The following SPATA33 variants were observed in gnomAD, a reference collection of about 807,000 sequenced individuals.
SPATA33 encodes the protein spermatogenesis-associated protein 33.
Under a neutral mutation model 8.9 loss-of-function variants are expected in SPATA33, and 10 were observed. The ratio of observed to expected loss-of-function variants is 1.12; its 90% CI spans 0.69 to 1.90. SPATA33 has a LOEUF of 1.90. Among genes scored for constraint, SPATA33 ranks in the 40% most tolerant of loss-of-function variants. The pLI, the probability that SPATA33 is intolerant of heterozygous loss-of-function variation, is 0.00. For missense variants in SPATA33, 241 were observed against 178.3 expected (o/e 1.35, Z -2.00); for synonymous variants, 96 against 72.8 (o/e 1.32, Z -1.63).
At chr16:89,660,690 T>C in intron 2 of SPATA33, 1 of 787,078 alleles carries the variant, frequency 1.3e-6, no homozygotes, top group Non-Finnish European at 1.7e-6. Flanking sequence ...AAAAGGCACA[T>C]TTACAGAGAG....
intron 2 of SPATA33, chr16:89,660,940 A>C (rs957974536): frequency 3.9e-6 from 4 of 1,017,560 alleles, no homozygotes; most frequent in Non-Finnish European, 4.7e-6. Context: ...CATGCACCTC[A>C]GGGGGAGCCA....
intron 2 of SPATA33, among the ~76,000 whole-genome samples, chr16:89,667,392 T>C (rs1017334143): frequency 6.6e-6 from 1 of 152,216 alleles, no homozygotes; most frequent in Non-Finnish European, 1.5e-5. Flanking sequence ...TACAAATTAA[T>C]TAATGATATT....
rs1278285342 is a variant in SPATA33 at position 89,669,860 on chromosome 16, G to T, written c.*363G>T. 7.4e-6 allele frequency: 2 copies of T among 271,236 alleles called. No homozygotes were observed. Among genetic ancestry groups the T allele is most frequent in the East Asian group, 1.7e-4 (2 of 11,790 alleles). The allele number at this position is 271,236 out of a possible 1,614,324, so 16.8% of individuals were successfully genotyped here. A position where few individuals can be genotyped will look rare whatever the true frequency, so the allele number is the denominator to read the frequency against. ...CCCTTCTCCAATGCTCTCGGGGAGGGTACACCAGGGTTGCCCCACCCTGTG... is the reference window on the plus strand; with the variant it reads ...CCCTTCTCCAATGCTCTCGGGGAGGTTACACCAGGGTTGCCCCACCCTGTG... On this transcript the variant is annotated 3_prime_UTR_variant, in exon 3 of 3. Transcript: ENST00000579310.
At chr16:89,658,077 G>A in intron 1 of SPATA33, 129 bp downstream of exon 1, 2 of 1,472,606 alleles carry the variant, frequency 1.4e-6, no homozygotes, top group Non-Finnish European at 1.8e-6. Flanking sequence ...CGTTCCTGCC[G>A]CCGAGTCCGC....
rs1269554884 is a variant in SPATA33 at position 89,657,948 on chromosome 16, G to C, written c.37G>C (p.Gly13Arg). ...CAAAAGCAAAGAGAAACCCAGGAAA[G>C]GTAAAGGAGGCGCAGGCGCTGGGCT... ...LSKSKEKPRK[G>R]EEQKKGSTYS... The change falls in exon 1 of 3, where the codon GGT becomes CGT. Residue 13 changes from glycine (G) to arginine (R), a missense_variant and splice_region_variant. By Grantham distance (125) the Gly-to-Arg change is moderately radical. Coordinates refer to ENST00000579310, the MANE Select transcript of SPATA33 (RefSeq NM_001271907.2). 4.0e-6 allele frequency: 6 copies of C among 1,515,382 alleles called. No homozygotes were observed. The South Asian group carries it at 7.3e-5, about 19-fold the overall frequency. The allele number at this position is 1,515,382 out of a possible 1,614,324, so 93.9% of individuals were successfully genotyped here. A position where few individuals can be genotyped will look rare whatever the true frequency, so the allele number is the denominator to read the frequency against.
intron 2 of SPATA33, chr16:89,660,184 T>G: frequency 4.4e-6 from 1 of 225,836 alleles, no homozygotes. Flanking sequence ...CAGCCCCCGA[T>G]GAGTGTACAG....
rs546618376 is a variant in SPATA33 at position 89,669,574 on chromosome 16, C to A, written c.*77C>A. The A allele has an allele frequency of 1.0e-5, 15 of 1,456,654 alleles. No individual in the cohort carries two copies. The highest frequency in any genetic ancestry group is 2.8e-5 in the African/African-American group (2 of 71,000). The allele number at this position is 1,456,654 out of a possible 1,614,324, so 90.2% of individuals were successfully genotyped here. On this transcript the variant is annotated 3_prime_UTR_variant, in exon 3 of 3. Coordinates refer to ENST00000579310, the MANE Select transcript of SPATA33 (RefSeq NM_001271907.2). ...ACAGCCGCCTCACCCTGTGAGAAGCCGAGGCCCCTTCTCCAGTGCTCTCGG... is the reference window on the plus strand; with the variant it reads ...ACAGCCGCCTCACCCTGTGAGAAGCAGAGGCCCCTTCTCCAGTGCTCTCGG...
At chr16:89,661,107 T>C (rs996672919) in intron 2 of SPATA33, 1 of 985,368 alleles carries the variant, frequency 1.0e-6, no homozygotes, top group African/African-American at 1.7e-5. Flanking sequence ...CTGCTGAGGT[T>C]TGGGGTAAGT....
chr16:89,660,345 G>C (rs779891991), intron 2 of SPATA33: 1 of 594,880 alleles, frequency 1.7e-6, no homozygotes, highest in African/African-American at 1.9e-5. Context: ...GGAGGGAGCT[G>C]TGAAGCATGG....
At chr16:89,660,874 C>G (rs1488467528) in intron 2 of SPATA33, 2 of 1,106,886 alleles carry the variant, frequency 1.8e-6, no homozygotes, top group Non-Finnish European at 2.2e-6. Context: ...TGTGAGCAAA[C>G]AAGCCTTTAG....
intron 2 of SPATA33, chr16:89,661,405 CATGT>C (rs1179134821): frequency 2.3e-5 from 4 of 175,946 alleles, no homozygotes; most frequent in African/African-American, 4.8e-5. Flanking sequence ...TGCTGCCATC[CATGT>C]AAGATGTGAC....
intron 2 of SPATA33, chr16:89,659,926 A>G (rs2059943170): frequency 6.6e-6 from 1 of 151,866 alleles, no homozygotes; most frequent in East Asian, 1.9e-4. Context: ...GGAGGGCGCA[A>G]CCCCCCACCG....
rs2059959172 is a variant in SPATA33 at position 89,660,994 on chromosome 16, AG to A, written c.211+2574del. 4 of 995,210 alleles carry A rather than the reference AG, an allele frequency of 4.0e-6. No individual in the cohort carries two copies. In the South Asian group the frequency reaches 1.9e-4, roughly 47 times the overall value. 61.6% of individuals were successfully genotyped at this position (995,210 alleles called of 1,614,324 possible). ...AAGAGCTTCCCTGTACGTCTCAGTG[AG>A]TCTTCACATGCCTCCAACTGCCTGG... On this transcript the variant is annotated intron_variant, in intron 2 of 2. Coordinates refer to ENST00000579310, the MANE Select transcript of SPATA33 (RefSeq NM_001271907.2).
At position 89,669,728 on chromosome 16, in the gene SPATA33, G is replaced by A; in HGVS notation, c.*231G>A. 1 of 568,688 alleles carries A rather than the reference G, an allele frequency of 1.8e-6. No individual in the cohort carries two copies. Among genetic ancestry groups the A allele is most frequent in the East Asian group, 3.0e-5 (1 of 33,848 alleles). The allele number at this position is 568,688 out of a possible 1,614,324, so 35.2% of individuals were successfully genotyped here. A position where few individuals can be genotyped will look rare whatever the true frequency, so the allele number is the denominator to read the frequency against. Reference sequence around the variant, plus strand: ...TGGCCCCCTTCTCCAGTGCTCTCAGGGAGGGTGCACCAGGCCTGCCCCCGC... The same window carrying A: ...TGGCCCCCTTCTCCAGTGCTCTCAGAGAGGGTGCACCAGGCCTGCCCCCGC... On this transcript the variant is annotated 3_prime_UTR_variant, in exon 3 of 3. Coordinates refer to ENST00000579310, the MANE Select transcript of SPATA33 (RefSeq NM_001271907.2).
chr16:89,666,468 G>C (rs1406315080), intron 2 of SPATA33, among the ~76,000 whole-genome samples: 1 of 152,162 alleles, frequency 6.6e-6, no homozygotes, highest in Non-Finnish European at 1.5e-5. Flanking sequence ...TTCGAGACCA[G>C]CCTGGGCAAC....
At chr16:89,660,366 GACCTCT>G (rs1352641895) in intron 2 of SPATA33, 4 of 780,100 alleles carry the variant, frequency 5.1e-6, no homozygotes, top group Non-Finnish European at 5.2e-6. Flanking sequence ...GAGTGGGCAG[GACCTCT>G]GCCAGTAACG....
intron 2 of SPATA33, among the ~76,000 whole-genome samples, chr16:89,663,311 G>A (rs1225344328): frequency 6.6e-6 from 1 of 150,392 alleles, no homozygotes; most frequent in African/African-American, 2.5e-5. Context: ...GGTCTCCCGG[G>A]TTCAAGCAAT....
At chr16:89,660,647 C>T (rs2059955074) in intron 2 of SPATA33, 1 of 945,076 alleles carries the variant, frequency 1.1e-6, no homozygotes, top group Non-Finnish European at 1.4e-6. Context: ...AAAGACCACT[C>T]ATGTTGCAGT....
intron 2 of SPATA33, among the ~76,000 whole-genome samples, chr16:89,663,080 C>A (rs1265637817): frequency 1.3e-5 from 2 of 152,170 alleles, no homozygotes; most frequent in South Asian, 2.1e-4. Flanking sequence ...GTGTGAGCCA[C>A]CACGCCCGGC....
Sources: gnomAD v4.1 joint callset for allele counts (sites outside exome capture counted in the v4.1 genomes callset) on GRCh38, gnomAD v4.1.1 for gene constraint, MANE v1.5 for transcripts, NCBI Gene and HGNC (gene_info 2026-07-23, HGNC 2026-07-21) for gene names.